Variants in AMPH observed in about 807,000 individuals in gnomAD.
AMPH encodes amphiphysin, also known as amphiphysin (Stiff-Mann syndrome with breast cancer 128kD autoantigen).
A neutral mutation model predicts 99.1 loss-of-function variants in AMPH; 49 were observed. The observed-to-expected ratio is 0.49, with a 90% CI of 0.39 to 0.63. The LOEUF (loss-of-function observed/expected upper bound fraction) is 0.63, where lower values mean the gene tolerates loss of function less well. Ranked by LOEUF, AMPH falls within the 20% of genes least tolerant of loss-of-function variation. The pLI, the probability that AMPH is intolerant of heterozygous loss-of-function variation, is 0.00. For synonymous variants in AMPH, 314 were observed against 317.3 expected (o/e 0.99, Z 0.11); for missense variants, 759 against 863.4 (o/e 0.88, Z 1.52).
intron 2 of AMPH, among the ~76,000 whole-genome samples, chr7:38,517,007 T>C (rs543541956): frequency 5.3e-5 from 8 of 152,362 alleles, no homozygotes; most frequent in Admixed American, 3.9e-4. Flanking sequence ...GTATCTCTAT[T>C]GTATCTTGGA....
At chr7:38,531,246 G>A (rs1790387052) in intron 2 of AMPH, 2 of 152,222 alleles carry the variant, frequency 1.3e-5, no homozygotes. Flanking sequence ...AATTAGCATA[G>A]CACACAACAG....
chr7:38,494,788 C>A (rs576437931), intron 3 of AMPH, among the ~76,000 whole-genome samples: 1 of 152,162 alleles, frequency 6.6e-6, no homozygotes, highest in Non-Finnish European at 1.5e-5. Flanking sequence ...GTATCCTACT[C>A]TGAAAACTAC....
rs1446244853 is a variant in AMPH, at chr7:38,480,131, A to G, written c.397-3162T>C. Among the ~76,000 whole-genome samples the G allele has an allele frequency of 2.6e-5, 4 of 152,128 alleles. No individual in the cohort carries two copies. In the East Asian group the frequency reaches 5.8e-4, roughly 22 times the overall value. ...TCACATCTGATGGATCCTTCTAGCA[A>G]CCTACAGAATGAGTGTTTCAGGGAT... is the stretch of plus-strand genomic sequence containing the variant. On this transcript the variant is annotated intron_variant, in intron 5 of 20. Coordinates refer to ENST00000356264, the MANE Select transcript of AMPH (RefSeq NM_001635.4).
At chr7:38,391,612 ATGT>A (rs1225776801) in intron 19 of AMPH, 133 bp downstream of exon 19, 1 of 827,356 alleles carries the variant, frequency 1.2e-6, no homozygotes, top group African/African-American at 1.7e-5. Context: ...TGTCCAAGTG[ATGT>A]TGTGGTGAAG....
intron 1 of AMPH, among the ~76,000 whole-genome samples, chr7:38,592,815 C>A (rs749582): frequency 0.092 from 14,009 of 151,886 alleles, 914 homozygotes; most frequent in African/African-American, 0.18. Flanking sequence ...CCCTGCATCT[C>A]GGTTCACTAA....
intron 17 of AMPH, among the ~76,000 whole-genome samples, chr7:38,403,514 C>G (rs994668462): frequency 1.3e-5 from 2 of 151,990 alleles, no homozygotes; most frequent in African/African-American, 4.8e-5. Context: ...TAGGTCACTG[C>G]CTGCCTGAAG....
At chr7:38,547,979 T>C (rs2129045000) in intron 1 of AMPH, among the ~76,000 whole-genome samples, 1 of 152,106 alleles carries the variant, frequency 6.6e-6, no homozygotes, top group Non-Finnish European at 1.5e-5. Context: ...GGGTGATGAC[T>C]TTGAGTTCTG....
intron 1 of AMPH, among the ~76,000 whole-genome samples, chr7:38,589,461 T>C (rs1262706708): frequency 2.6e-5 from 4 of 152,178 alleles, no homozygotes; most frequent in Non-Finnish European, 4.4e-5. Flanking sequence ...CATACACTAG[T>C]TGGTAATTTT....
intron 1 of AMPH, among the ~76,000 whole-genome samples, chr7:38,614,343 T>C (rs1353481529): frequency 3.9e-5 from 6 of 152,214 alleles, no homozygotes; most frequent in African/African-American, 1.4e-4. Context: ...ATGGATCATG[T>C]AAAATTGACT....
At chr7:38,539,246 T>C (rs1790722167) in intron 1 of AMPH, among the ~76,000 whole-genome samples, 1 of 152,110 alleles carries the variant, frequency 6.6e-6, no homozygotes, top group South Asian at 2.1e-4. Flanking sequence ...AACCAGAAGG[T>C]TCCTGGGATC....
At chr7:38,403,455 G>A (rs150620375) in intron 17 of AMPH, among the ~76,000 whole-genome samples, 1 of 152,188 alleles carries the variant, frequency 6.6e-6, no homozygotes, top group African/African-American at 2.4e-5. Flanking sequence ...CGGACTCCCC[G>A]CAGGCCTGCA....
chr7:38,518,995 G>A (rs1036702468), intron 2 of AMPH, among the ~76,000 whole-genome samples: 1 of 152,186 alleles, frequency 6.6e-6, no homozygotes, highest in African/African-American at 2.4e-5. Context: ...ATGGATTAAT[G>A]CCATTATCAT....
chr7:38,461,067 A>ATATACTACC (rs1299097606), intron 11 of AMPH, among the ~76,000 whole-genome samples: 1 of 152,200 alleles, frequency 6.6e-6, no homozygotes, highest in Non-Finnish European at 1.5e-5. Context: ...TTCTATAAGT[A>ATATACTACC]TATACTACCC....
At chr7:38,462,008 C>G (rs771728938) in intron 10 of AMPH, among the ~76,000 whole-genome samples, 1 of 152,166 alleles carries the variant, frequency 6.6e-6, no homozygotes, top group Non-Finnish European at 1.5e-5. Flanking sequence ...AGGCATTCAG[C>G]AGAATGTGTG....
chr7:38,416,265 GA>G (rs1341075921), intron 17 of AMPH, among the ~76,000 whole-genome samples: 1 of 151,868 alleles, frequency 6.6e-6, no homozygotes, highest in African/African-American at 2.4e-5. Context: ...GGAGGTATAT[GA>G]ACATGACACT....
At chr7:38,583,653 A>C (rs546468133) in intron 1 of AMPH, among the ~76,000 whole-genome samples, 1 of 152,344 alleles carries the variant, frequency 6.6e-6, no homozygotes, top group African/African-American at 2.4e-5. Flanking sequence ...TGTGGTGGAC[A>C]ATAAGAATAC....
At chr7:38,389,592 T>C (rs945067709) in intron 20 of AMPH, among the ~76,000 whole-genome samples, 2 of 152,144 alleles carry the variant, frequency 1.3e-5, no homozygotes, top group Non-Finnish European at 2.9e-5. Flanking sequence ...CAGTCAACTG[T>C]TTGTATTATA....
At chr7:38,589,240 C>T (rs1390794181) in intron 1 of AMPH, among the ~76,000 whole-genome samples, 1 of 152,120 alleles carries the variant, frequency 6.6e-6, no homozygotes, top group Non-Finnish European at 1.5e-5. Flanking sequence ...AAGCAATATC[C>T]TTTTCTAGAA....
At chr7:38,574,827 G>A (rs1051714207) in intron 1 of AMPH, among the ~76,000 whole-genome samples, 5 of 151,884 alleles carry the variant, frequency 3.3e-5, no homozygotes, top group East Asian at 1.9e-4. Context: ...AGGCCGGGGC[G>A]GGCAGATCAC....
Sources: gnomAD v4.1 joint callset for allele counts (sites outside exome capture counted in the v4.1 genomes callset) on GRCh38, gnomAD v4.1.1 for gene constraint, MANE v1.5 for transcripts, NCBI Gene and HGNC (gene_info 2026-07-23, HGNC 2026-07-21) for gene names.